DIXDC1: variants seen among roughly 807,000 people sequenced by gnomAD.
DIXDC1 encodes the protein dixin.
A neutral mutation model predicts 103.1 loss-of-function variants in DIXDC1; 64 were observed. That is an observed-to-expected ratio of 0.62 (90% CI 0.51 to 0.76). The LOEUF (loss-of-function observed/expected upper bound fraction) is 0.76. DIXDC1 is among the 30% of genes least tolerant of loss of function. The pLI, the probability that DIXDC1 is intolerant of heterozygous loss-of-function variation, is 0.00. For synonymous variants in DIXDC1, 266 were observed against 298.5 expected (o/e 0.89, Z 1.12); for missense variants, 759 against 834.2 (o/e 0.91, Z 1.11).
At chr11:111,929,955 G>A in intron 2 of DIXDC1, 16 of 1,494,418 alleles carry the variant, frequency 1.1e-5, no homozygotes, top group Non-Finnish European at 1.4e-5. Context: ...TGATGTTACT[G>A]GAATTTCAAT....
Position 111,927,551 on chromosome 11 carries a change from C to T in DIXDC1, c.-37+164C>T, listed in dbSNP as rs587626498. Among the ~76,000 whole-genome samples the T allele has an allele frequency of 5.3e-5, 8 of 152,268 alleles. No homozygotes were observed. In the East Asian group the frequency reaches 1.5e-3, roughly 29 times the overall value. On this transcript the variant is annotated intron_variant, in intron 1 of 5. Transcript: ENST00000529225. ...TTGTACATTCTTAGTGTGCAGTTTT[C>T]TGCTTCAGACTTTCAGAGCTTAGAG...
intron 17 of DIXDC1, among the ~76,000 whole-genome samples, chr11:112,003,784 G>A (rs1205712245): frequency 6.6e-6 from 1 of 151,086 alleles, no homozygotes; most frequent in Non-Finnish European, 1.5e-5. Context: ...GGAAACAAGA[G>A]TGAAGCTCTG....
At chr11:111,935,678 C>T (rs73560057), upstream of DIXDC1, among the ~76,000 whole-genome samples, 749 of 152,246 alleles carry the variant, frequency 4.9e-3, 9 homozygotes, top group African/African-American at 0.018. Context: ...AGTGACTCTC[C>T]GGGGGTGTTA....
chr11:111,985,985 T>C (rs1227533740), intron 8 of DIXDC1, among the ~76,000 whole-genome samples: 2 of 152,150 alleles, frequency 1.3e-5, no homozygotes, highest in Non-Finnish European at 2.9e-5. Context: ...CCTTTCCCTC[T>C]ACATACTTCC....
chr11:111,966,901 A>G (rs1194592936), intron 2 of DIXDC1, among the ~76,000 whole-genome samples: 6 of 152,142 alleles, frequency 3.9e-5, no homozygotes, highest in Non-Finnish European at 8.8e-5. Flanking sequence ...CCAAGCCTCC[A>G]CCTTATCAAA....
chr11:111,977,200 C>T lies in DIXDC1; in HGVS notation c.656+2217C>T. ...CCCCGCCCCTGGCCCGCACCCTCAACCTCCGTCCAGAGCGGTCGGTTGGCC... is the reference window on the plus strand; with the variant it reads ...CCCCGCCCCTGGCCCGCACCCTCAATCTCCGTCCAGAGCGGTCGGTTGGCC... On this transcript the variant is annotated intron_variant, in intron 5 of 19. Coordinates refer to ENST00000440460, the MANE Select transcript of DIXDC1 (RefSeq NM_001037954.4). This position sits in a 1 kb window ranked among gnomAD's most constrained non-coding sequence, Gnocchi z 6.1. 7 of 752,436 alleles carry T rather than the reference C, an allele frequency of 9.3e-6. No individual in the cohort carries two copies. The highest frequency in any genetic ancestry group is 1.1e-5 in the Non-Finnish European group (7 of 617,444). The allele number at this position is 752,436 out of a possible 1,614,324, so 46.6% of individuals were successfully genotyped here. A position where few individuals can be genotyped will look rare whatever the true frequency, so the allele number is the denominator to read the frequency against.
chr11:111,937,258 C>A, upstream of DIXDC1: 1 of 1,268,928 alleles, frequency 7.9e-7, no homozygotes, highest in Non-Finnish European at 9.9e-7. Flanking sequence ...ACCTAGTGCG[C>A]GCCCAGTTGT....
intron 1 of DIXDC1, among the ~76,000 whole-genome samples, chr11:111,952,357 T>C (rs146025622): frequency 2.6e-4 from 40 of 152,306 alleles, no homozygotes; most frequent in Middle Eastern, 3.4e-3. Flanking sequence ...AAATTGACAC[T>C]AAAGTTCATA....
upstream of DIXDC1, among the ~76,000 whole-genome samples, chr11:111,935,255 A>G (rs1220132638): frequency 1.3e-5 from 2 of 152,210 alleles, no homozygotes; most frequent in Non-Finnish European, 2.9e-5. Flanking sequence ...TTGCTGAGTG[A>G]CTGTGAGCAC....
intron 5 of DIXDC1, among the ~76,000 whole-genome samples, chr11:111,980,489 T>A (rs1860260871): frequency 6.6e-6 from 1 of 152,236 alleles, no homozygotes; most frequent in African/African-American, 2.4e-5. Context: ...GAATTAGGCT[T>A]AAAGGCATCC....
intron 8 of DIXDC1, among the ~76,000 whole-genome samples, 191 bp from the exon 9 acceptor site, chr11:111,986,680 A>G (rs927260744): frequency 2.6e-5 from 4 of 151,898 alleles, no homozygotes; most frequent in Non-Finnish European, 5.9e-5. Flanking sequence ...TACTTATTCT[A>G]AGCTTTATCC....
In DIXDC1 at chr11:111,976,272, G is replaced by T. The variant is rs887983541; in HGVS notation, c.656+1289G>T. Among the ~76,000 whole-genome samples the T allele has an allele frequency of 1.3e-5, 2 of 152,164 alleles. No homozygotes were observed. Among genetic ancestry groups the T allele is most frequent in the Non-Finnish European group, 1.5e-5 (1 of 68,018 alleles). On this transcript the variant is annotated intron_variant, in intron 5 of 19. Transcript: ENST00000440460. The surrounding 1 kb of genome is among the most constrained non-coding windows in gnomAD (Gnocchi z 4.3). ...GCTAGAGTTGGTGGTAGGAGGAAGA[G>T]TGGATTTCTTCCTGAGGGCACCTGC... is the stretch of plus-strand genomic sequence containing the variant.
intron 17 of DIXDC1, among the ~76,000 whole-genome samples, chr11:112,014,992 C>G (rs1424522402): frequency 6.6e-6 from 1 of 151,838 alleles, no homozygotes; most frequent in African/African-American, 2.4e-5. Context: ...TCAAGCGATT[C>G]TCCTGCCTCA....
chr11:111,990,447 C>T lies in DIXDC1; in HGVS notation c.1113+1392C>T, dbSNP rs149026938. ...TTTGTGTCTACATCGCTTTCCCCCA[C>T]GGTTTTACCCAAATGGTAATATACT... On this transcript the variant is annotated intron_variant, in intron 10 of 19. Transcript: ENST00000440460. Among the ~76,000 whole-genome samples, 46 of 152,120 alleles carry T rather than the reference C, an allele frequency of 3.0e-4. No individual in the cohort carries two copies. In the East Asian group the frequency reaches 7.2e-3, roughly 24 times the overall value.
chr11:112,009,377 TAGA>T (rs1412973591), intron 17 of DIXDC1, among the ~76,000 whole-genome samples: 1 of 151,988 alleles, frequency 6.6e-6, no homozygotes, highest in African/African-American at 2.4e-5. Flanking sequence ...CTACCACAGG[TAGA>T]AAAGAGGAGC....
intron 1 of DIXDC1, among the ~76,000 whole-genome samples, chr11:111,953,709 C>T (rs1220022021): frequency 6.6e-6 from 1 of 152,028 alleles, no homozygotes; most frequent in Non-Finnish European, 1.5e-5. Context: ...AACAGATGAA[C>T]CTAACTGTAT....
intron 1 of DIXDC1, chr11:111,946,823 G>T: frequency 2.3e-6 from 1 of 433,814 alleles, no homozygotes; most frequent in South Asian, 1.7e-5. Flanking sequence ...ACAGGGATTT[G>T]GGACAGCCTA....
chr11:112,003,160 T>C (rs1419157095), intron 17 of DIXDC1, among the ~76,000 whole-genome samples: 5 of 152,164 alleles, frequency 3.3e-5, no homozygotes, highest in African/African-American at 1.2e-4. Context: ...GAGTAAGATC[T>C]AGTGTTTGAT....
chr11:111,990,207 C>T (rs587709079), intron 10 of DIXDC1, among the ~76,000 whole-genome samples: 2 of 152,026 alleles, frequency 1.3e-5, no homozygotes, highest in East Asian at 1.9e-4. Flanking sequence ...TCTCCTGCCT[C>T]AGCCTCCCGA....
Sources: allele counts gnomAD v4.1 joint callset (sites outside exome capture counted in the v4.1 genomes callset), GRCh38; gene constraint gnomAD v4.1.1; non-coding constraint Gnocchi (gnomAD v3.1); transcripts MANE v1.5; gene names NCBI Gene and HGNC (gene_info 2026-07-23, HGNC 2026-07-21).